The following SOHLH2 variants were observed in gnomAD, a reference collection of about 807,000 sequenced individuals.
SOHLH2 encodes spermatogenesis- and oogenesis-specific basic helix-loop-helix-containing protein 2.
In SOHLH2, 22 loss-of-function variants were observed where a neutral mutation model predicts 50.4. That is an observed-to-expected ratio of 0.44 (90% CI 0.31 to 0.62). SOHLH2 has a LOEUF of 0.62. Among genes scored for constraint, SOHLH2 ranks in the 20% least tolerant of loss-of-function variants. The pLI is 0.08. For missense variants in SOHLH2, 412 were observed against 504.4 expected (o/e 0.82, Z 1.76); for synonymous variants, 185 against 187.3 (o/e 0.99, Z 0.10).
chr13:36,184,075 T>C (rs987564106), intron 6 of SOHLH2, among the ~76,000 whole-genome samples: 4 of 152,146 alleles, frequency 2.6e-5, no homozygotes, highest in East Asian at 1.9e-4. Flanking sequence ...CAAATGCATA[T>C]AGAACATTCA....
chr13:36,192,208 T>G (rs1887593260), intron 4 of SOHLH2, among the ~76,000 whole-genome samples: 1 of 152,206 alleles, frequency 6.6e-6, no homozygotes, highest in Non-Finnish European at 1.5e-5. Flanking sequence ...TATAGGTAAA[T>G]GTCAGGAGAC....
At chr13:36,194,800 A>T (rs1887675234) in intron 2 of SOHLH2, among the ~76,000 whole-genome samples, 1 of 152,198 alleles carries the variant, frequency 6.6e-6, no homozygotes, top group Non-Finnish European at 1.5e-5. Context: ...ACTATTCTCA[A>T]ATACTTTAAA....
chr13:36,210,308 G>A (rs1349297148), intron 1 of SOHLH2, among the ~76,000 whole-genome samples: 1 of 152,154 alleles, frequency 6.6e-6, no homozygotes, highest in Non-Finnish European at 1.5e-5. Flanking sequence ...TCAACATTGA[G>A]CCTGGACTAT....
chr13:36,196,446 G>A (rs1318956229), intron 2 of SOHLH2, among the ~76,000 whole-genome samples: 1 of 152,070 alleles, frequency 6.6e-6, no homozygotes, highest in Non-Finnish European at 1.5e-5. Context: ...ATTTTTAGGT[G>A]ATGAGAAAGT....
In SOHLH2 at chr13:36,174,498, G is replaced by T; in HGVS notation, c.859C>A (p.Pro287Thr). ...TACCGCTGTGCCATGACAGTGCCTG[G>T]GAGAGACAGCTCAATGGGTGTTTGT... is the stretch of plus-strand genomic sequence containing the variant. Reference protein sequence around the residue: ...KQQTPIELSLPGTVMAQRENS... With the variant: ...KQQTPIELSLTGTVMAQRENS... The change falls in exon 8 of 11, where the codon CCA becomes ACA. Residue 287 changes from proline (P) to threonine (T), a missense_variant. Coordinates refer to ENST00000379881, the MANE Select transcript of SOHLH2 (RefSeq NM_017826.3). 6.2e-7 allele frequency: 1 copy of T among 1,614,080 alleles called. No homozygotes were observed. Among genetic ancestry groups the T allele is most frequent in the South Asian group, 1.1e-5 (1 of 91,080 alleles).
intron 9 of SOHLH2, among the ~76,000 whole-genome samples, chr13:36,171,241 C>T (rs1886954857): frequency 1.3e-5 from 2 of 152,066 alleles, no homozygotes; most frequent in South Asian, 2.1e-4. Flanking sequence ...TTATTTTCTA[C>T]TGGACATTAA....
At chr13:36,193,568 G>A (rs1258647889) in intron 4 of SOHLH2, 53 bp downstream of exon 4, 1 of 1,540,556 alleles carries the variant, frequency 6.5e-7, no homozygotes, top group Non-Finnish European at 8.8e-7. Flanking sequence ...TATGAGCAGA[G>A]TTTTCAAAGA....
At chr13:36,181,233 T>A (rs1439928523) in intron 6 of SOHLH2, among the ~76,000 whole-genome samples, 1 of 152,108 alleles carries the variant, frequency 6.6e-6, no homozygotes, top group African/African-American at 2.4e-5. Context: ...TCTATTAATT[T>A]ATTTTTTTAT....
chr13:36,207,464 G>A (rs995889866), intron 1 of SOHLH2, among the ~76,000 whole-genome samples: 1 of 152,240 alleles, frequency 6.6e-6, no homozygotes, highest in East Asian at 1.9e-4. Context: ...CAGAAGAGTT[G>A]CAGAGAGGGT....
chr13:36,180,664 A>G (rs1887230276), intron 6 of SOHLH2, among the ~76,000 whole-genome samples: 1 of 138,920 alleles, frequency 7.2e-6, no homozygotes, highest in Non-Finnish European at 1.5e-5. Context: ...TTTAATTTCC[A>G]TATATTTAAG....
At chr13:36,183,969 A>G (rs1781343437) in intron 6 of SOHLH2, among the ~76,000 whole-genome samples, 1 of 152,174 alleles carries the variant, frequency 6.6e-6, no homozygotes, top group African/African-American at 2.4e-5. Flanking sequence ...AAAAATCAGT[A>G]AGGGAGCAGA....
intron 1 of SOHLH2, among the ~76,000 whole-genome samples, chr13:36,206,141 T>C (rs1469390893): frequency 1.3e-5 from 2 of 152,072 alleles, no homozygotes; most frequent in Admixed American, 6.5e-5. Flanking sequence ...TTTAAACTTA[T>C]GTTAATTAAA....
chr13:36,174,594 T>C (rs1240847595), intron 7 of SOHLH2, 27 bp from the exon 8 acceptor site: 3 of 1,612,230 alleles, frequency 1.9e-6, no homozygotes, highest in East Asian at 4.5e-5. Context: ...TATATTTAGG[T>C]AGATACCGAC....
At chr13:36,196,037 C>T (rs1184083193) in intron 2 of SOHLH2, among the ~76,000 whole-genome samples, 1 of 151,190 alleles carries the variant, frequency 6.6e-6, no homozygotes. Context: ...ATGATGCCTG[C>T]CAGGATGTCA....
intron 1 of SOHLH2, among the ~76,000 whole-genome samples, chr13:36,211,285 A>G (rs1869106415): frequency 6.6e-6 from 1 of 152,182 alleles, no homozygotes; most frequent in South Asian, 2.1e-4. Flanking sequence ...ATAGTTTGTA[A>G]AACTTTCTAT....
In SOHLH2 at chr13:36,184,704, C is replaced by T. The variant is rs189107072; in HGVS notation, c.641+5242G>A. On this transcript the variant is annotated intron_variant, in intron 6 of 10. Coordinates refer to ENST00000379881, the MANE Select transcript of SOHLH2 (RefSeq NM_017826.3). Reference sequence around the variant, plus strand: ...CGATCTCCTGACCTCGTGATCCACCCGCCTTGGCCTCCCAAAGTGCTGGGA... The same window carrying T: ...CGATCTCCTGACCTCGTGATCCACCTGCCTTGGCCTCCCAAAGTGCTGGGA... Among the ~76,000 whole-genome samples the T allele has an allele frequency of 2.6e-3, 394 of 152,168 alleles. 5 individuals are homozygous for T. Among genetic ancestry groups the T allele is most frequent in the African/African-American group, 8.9e-3 (370 of 41,524 alleles).
intron 9 of SOHLH2, among the ~76,000 whole-genome samples, chr13:36,172,186 AG>A (rs1302641215): frequency 6.6e-6 from 1 of 152,194 alleles, no homozygotes; most frequent in African/African-American, 2.4e-5. Context: ...GGGCATAGAA[AG>A]GCCTGAACTC....
Position 36,172,793 on chromosome 13 carries a change from G to A in SOHLH2, c.1000+899C>T, listed in dbSNP as rs1408774231. Among the ~76,000 whole-genome samples the A allele has an allele frequency of 5.3e-5, 8 of 152,208 alleles. No homozygotes were observed. The East Asian group carries it at 1.3e-3, about 26-fold the overall frequency. ...TCCTGGTACAAGGGAGGTGCTTGGTGAGAGCAGAGCCTGTTGGAGGAAGTC... is the reference window on the plus strand; with the variant it reads ...TCCTGGTACAAGGGAGGTGCTTGGTAAGAGCAGAGCCTGTTGGAGGAAGTC... On this transcript the variant is annotated intron_variant, in intron 9 of 10. Coordinates refer to ENST00000379881, the MANE Select transcript of SOHLH2 (RefSeq NM_017826.3).
rs73540579 is a variant in SOHLH2, at chr13:36,176,674, A to G, written c.642-1805T>C. ...CAAAGTTTGTACACACTGAACCATCAGAAAGAAAAGGTGCCACTATCTCAT... is the reference window on the plus strand; with the variant it reads ...CAAAGTTTGTACACACTGAACCATCGGAAAGAAAAGGTGCCACTATCTCAT... On this transcript the variant is annotated intron_variant, in intron 6 of 10. Coordinates refer to ENST00000379881, the MANE Select transcript of SOHLH2 (RefSeq NM_017826.3). Among the ~76,000 whole-genome samples the G allele has an allele frequency of 4.1e-3, 621 of 152,270 alleles. 4 individuals are homozygous for G. Among genetic ancestry groups the G allele is most frequent in the African/African-American group, 0.014 (565 of 41,554 alleles).
Sources: allele counts gnomAD v4.1 joint callset (sites outside exome capture counted in the v4.1 genomes callset), GRCh38; gene constraint gnomAD v4.1.1; transcripts MANE v1.5; gene names NCBI Gene and HGNC (gene_info 2026-07-23, HGNC 2026-07-21).